NOVA2: variants seen among roughly 807,000 people sequenced by gnomAD.
NOVA2 encodes the protein NOVA alternative splicing regulator 2.
A neutral mutation model predicts 22.5 loss-of-function variants in NOVA2; 9 were observed. The observed-to-expected ratio is 0.40, with a 90% CI of 0.24 to 0.70. The LOEUF (loss-of-function observed/expected upper bound fraction) is 0.70. NOVA2 is among the 30% of genes least tolerant of loss of function. NOVA2 has a pLI of 0.38. For missense variants in NOVA2, 383 were observed against 682.8 expected (o/e 0.56, Z 4.89); for synonymous variants, 318 against 335.2 (o/e 0.95, Z 0.56).
At chr19:45,943,357 C>T (rs1036763527) in intron 3 of NOVA2, among the ~76,000 whole-genome samples, 3 of 151,370 alleles carry the variant, frequency 2.0e-5, no homozygotes, top group Non-Finnish European at 4.4e-5. Flanking sequence ...CACCCAGACA[C>T]TATATGACTA....
intron 1 of NOVA2, among the ~76,000 whole-genome samples, chr19:45,962,937 C>T (rs1968117078): frequency 6.6e-6 from 1 of 152,048 alleles, no homozygotes; most frequent in African/African-American, 2.4e-5. Flanking sequence ...CGTGAGCCAC[C>T]GCACCTTGCT....
intron 2 of NOVA2, among the ~76,000 whole-genome samples, chr19:45,954,471 G>A (rs921465632): frequency 3.9e-5 from 6 of 152,090 alleles, no homozygotes; most frequent in African/African-American, 9.7e-5. Context: ...AGCCTGCAGC[G>A]TTGGCCTCTG....
In NOVA2 at chr19:45,938,625, C is replaced by T. The variant is rs1488671921; in HGVS notation, c.*1238G>A. 6.6e-6 allele frequency: 1 copy of T among 152,372 alleles called. No homozygotes were observed. The highest frequency in any genetic ancestry group is 1.5e-5 in the Non-Finnish European group (1 of 68,080). The allele number at this position is 152,372 out of a possible 1,614,324, so 9.4% of individuals were successfully genotyped here. On this transcript the variant is annotated 3_prime_UTR_variant, in exon 4 of 4. Transcript: ENST00000263257. ...CTAGGTCCATCTCCCACCCCTCCCT[C>T]CAGGGCGAGTTCGCAGACTTGACGT...
intron 2 of NOVA2, among the ~76,000 whole-genome samples, chr19:45,957,850 G>A (rs1968027468): frequency 6.6e-6 from 1 of 152,026 alleles, no homozygotes; most frequent in Non-Finnish European, 1.5e-5. Context: ...CTCAAGCCTA[G>A]CACTTTGGGA....
At chr19:45,973,246 C>A in intron 1 of NOVA2, 21 bp downstream of exon 1, 1 of 1,435,598 alleles carries the variant, frequency 7.0e-7, no homozygotes, top group Non-Finnish European at 9.2e-7. Flanking sequence ...TCCCCCGCCC[C>A]GAGCCGCAGC....
intron 3 of NOVA2, among the ~76,000 whole-genome samples, chr19:45,944,882 G>A (rs1427298488): frequency 6.6e-6 from 1 of 152,226 alleles, no homozygotes; most frequent in African/African-American, 2.4e-5. Context: ...CATATACTGT[G>A]TGATTCCTTT....
At chr19:45,972,435 C>A (rs907382554) in intron 1 of NOVA2, among the ~76,000 whole-genome samples, 1 of 152,132 alleles carries the variant, frequency 6.6e-6, no homozygotes, top group Non-Finnish European at 1.5e-5. Flanking sequence ...CCAGAGCCAG[C>A]CCATTCGGTG....
chr19:45,959,475 C>T (rs1251913506), intron 2 of NOVA2, among the ~76,000 whole-genome samples: 2 of 152,106 alleles, frequency 1.3e-5, no homozygotes, highest in Non-Finnish European at 2.9e-5. Context: ...CGACATGTCT[C>T]GTGGCACAGA....
At chr19:45,954,941 T>C (rs1395625015) in intron 2 of NOVA2, among the ~76,000 whole-genome samples, 4 of 151,448 alleles carry the variant, frequency 2.6e-5, no homozygotes, top group South Asian at 2.1e-4. Context: ...TTGTAGAAGA[T>C]AAAGTGCAGA....
intron 3 of NOVA2, among the ~76,000 whole-genome samples, chr19:45,944,301 G>A (rs749899172): frequency 1.8e-4 from 27 of 152,146 alleles, no homozygotes; most frequent in Non-Finnish European, 3.7e-4. Flanking sequence ...AAATAGCCAG[G>A]TGTGGTGGCA....
chr19:45,957,558 G>C (rs568978640), intron 2 of NOVA2, among the ~76,000 whole-genome samples: 4 of 149,626 alleles, frequency 2.7e-5, no homozygotes, highest in African/African-American at 9.8e-5. Context: ...AAAAAAAGTA[G>C]CTGGGCCTGG....
At chr19:45,945,321 A>C (rs1252050548) in intron 3 of NOVA2, among the ~76,000 whole-genome samples, 3 of 152,150 alleles carry the variant, frequency 2.0e-5, no homozygotes, top group African/African-American at 4.8e-5. Context: ...AAAGAAAGAA[A>C]AAAAAAAGGA....
chr19:45,943,020 C>G (rs2146408612), intron 3 of NOVA2, among the ~76,000 whole-genome samples: 1 of 150,036 alleles, frequency 6.7e-6, no homozygotes, highest in East Asian at 2.0e-4. Flanking sequence ...CAGTCCCTCA[C>G]AAGAAAGAGC....
chr19:45,944,047 C>T (rs1371242649), intron 3 of NOVA2, among the ~76,000 whole-genome samples: 1 of 152,208 alleles, frequency 6.6e-6, no homozygotes, highest in Admixed American at 6.5e-5. Context: ...CTCTGGATCA[C>T]TTTACATATG....
At chr19:45,968,486 G>A (rs1171655768) in intron 1 of NOVA2, among the ~76,000 whole-genome samples, 5 of 151,992 alleles carry the variant, frequency 3.3e-5, no homozygotes, top group South Asian at 2.1e-4. Context: ...GAGTTGTGAC[G>A]GTCTCTAAGT....
intron 2 of NOVA2, among the ~76,000 whole-genome samples, chr19:45,959,548 C>T (rs1406609367): frequency 6.6e-6 from 1 of 152,050 alleles, no homozygotes; most frequent in African/African-American, 2.4e-5. Flanking sequence ...AGGTCTTATC[C>T]ATATCTTGTG....
intron 2 of NOVA2, among the ~76,000 whole-genome samples, chr19:45,957,828 C>T (rs573838374): frequency 2.2e-4 from 33 of 151,712 alleles, no homozygotes; most frequent in Non-Finnish European, 4.0e-4. Context: ...CTAGGGTGGC[C>T]GGTCGCGGTG....
At chr19:45,953,421 C>T (rs1437254591) in intron 3 of NOVA2, among the ~76,000 whole-genome samples, 1 of 152,046 alleles carries the variant, frequency 6.6e-6, no homozygotes, top group African/African-American at 2.4e-5. Context: ...AGGTCACTTC[C>T]GGTGATAGCA....
At chr19:45,964,561 A>ATCTCTCTCTCTCTCTCTCTCTCTG (rs141748431) in intron 1 of NOVA2, among the ~76,000 whole-genome samples, 1 of 137,002 alleles carries the variant, frequency 7.3e-6, no homozygotes, top group African/African-American at 2.8e-5. Context: ...ACACTCTCTG[A>ATCTCTCTCTCTCTCTCTCTCTCTG]TCTCTCTCTC....
Sources: allele counts gnomAD v4.1 joint callset (sites outside exome capture counted in the v4.1 genomes callset), GRCh38; gene constraint gnomAD v4.1.1; transcripts MANE v1.5; gene names NCBI Gene and HGNC (gene_info 2026-07-23, HGNC 2026-07-21).